Variants in SPTBN2 observed in about 807,000 individuals in gnomAD.
SPTBN2 encodes the protein spectrin beta chain, non-erythrocytic 2.
Under a neutral mutation model 284.2 loss-of-function variants are expected in SPTBN2, and 107 were observed. The observed-to-expected ratio is 0.38, with a 90% CI of 0.32 to 0.44. The LOEUF (loss-of-function observed/expected upper bound fraction) is 0.44. SPTBN2 is among the 20% of genes least tolerant of loss of function. The pLI is 1.00. For missense variants in SPTBN2, 2,569 were observed against 3,287.1 expected (o/e 0.78, Z 5.34); for synonymous variants, 1,289 against 1,354.8 (o/e 0.95, Z 1.07).
intron 1 of SPTBN2, 113 bp from the exon 2 acceptor site, chr11:66,721,553 G>C: frequency 2.3e-6 from 1 of 433,908 alleles, no homozygotes; most frequent in Non-Finnish European, 4.3e-6. Flanking sequence ...GAGAGGGACG[G>C]GTTTGCGGGG....
At chr11:66,706,779 G>A (rs1401628257) in intron 13 of SPTBN2, among the ~76,000 whole-genome samples, 1 of 151,456 alleles carries the variant, frequency 6.6e-6, no homozygotes, top group Non-Finnish European at 1.5e-5. Context: ...ACAGGCATGC[G>A]CTACCACCGC....
intron 3 of SPTBN2, among the ~76,000 whole-genome samples, chr11:66,716,409 G>T (rs111654945): frequency 6.6e-6 from 1 of 152,026 alleles, no homozygotes. Context: ...GAACCTGGGA[G>T]GGGGAGCTTG....
At chr11:66,722,807 C>G (rs1311760728) in intron 1 of SPTBN2, among the ~76,000 whole-genome samples, 1 of 148,438 alleles carries the variant, frequency 6.7e-6, no homozygotes, top group Non-Finnish European at 1.5e-5. Context: ...ACAGGAGAAT[C>G]ACTTGAAACC....
chr11:66,688,865 G>A lies in SPTBN2; in HGVS notation c.6035-16C>T, dbSNP rs760529196. 2.0e-5 allele frequency: 32 copies of A among 1,610,010 alleles called. No homozygotes were observed. Among genetic ancestry groups the A allele is most frequent in the Non-Finnish European group, 2.5e-5 (30 of 1,179,818 alleles). ...ACCTCCAAAACTGGCAGGATCGGGG[G>A]TTGCAGGAAGATGGTGGGTCAGAGT... is the stretch of plus-strand genomic sequence containing the variant. On this transcript the variant is annotated splice_polypyrimidine_tract_variant and intron_variant, in intron 30 of 37. Transcript: ENST00000533211.
chr11:66,730,613 G>T (rs1590996570), upstream of SPTBN2, among the ~76,000 whole-genome samples: 1 of 151,914 alleles, frequency 6.6e-6, no homozygotes, highest in East Asian at 1.9e-4. Flanking sequence ...AGAATCAGCT[G>T]CCCTGCCAAA....
At chr11:66,711,107 C>T in intron 8 of SPTBN2, 78 bp from the exon 9 acceptor site, 1 of 1,141,000 alleles carries the variant, frequency 8.8e-7, no homozygotes, top group Non-Finnish European at 1.3e-6. Flanking sequence ...AACCCTGGGC[C>T]TGCCCAGTCC....
chr11:66,686,578 G>T (rs1385330933), intron 36 of SPTBN2, 138 bp from the exon 37 acceptor site: 1 of 936,714 alleles, frequency 1.1e-6, no homozygotes, highest in African/African-American at 1.6e-5. Context: ...GACACGCTCT[G>T]CACATTCTTC....
At position 66,701,088 on chromosome 11, in the gene SPTBN2, G is replaced by A. The variant is rs746835288; in HGVS notation, c.3011C>T (p.Thr1004Met). Residue 1004 changes from threonine (T) to methionine (M), a missense_variant, in exon 17 of 38, where the codon ACG becomes ATG. By Grantham distance (81) the Thr-to-Met change is moderately conservative (BLOSUM62 -1). Coordinates refer to ENST00000533211, the MANE Select transcript of SPTBN2 (RefSeq NM_006946.4). ...VLALQRKLAG[T>M]ERDLEAIAAR... The stretch of plus-strand genomic sequence containing the variant: ...GGCGATGGCCTCCAGGTCCCGCTCC[G>A]TGCCGGCCAGCTTGCGCTGCAGGGC... 46 of 1,612,260 alleles carry A rather than the reference G, an allele frequency of 2.9e-5. No homozygotes were observed. The highest frequency in any genetic ancestry group is 5.5e-5 in the South Asian group (5 of 91,082).
At position 66,718,473 on chromosome 11, in the gene SPTBN2, C is replaced by T. The variant is rs1942243184; in HGVS notation, c.158-2492G>A. On this transcript the variant is annotated intron_variant, in intron 3 of 37. Transcript: ENST00000533211. The surrounding 1 kb of genome is among the most constrained non-coding windows in gnomAD (Gnocchi z 4.8). ...AGCTGTTTGAAGCGTCCTTCCAGCA[C>T]GCTGGCATACTGAGCAGGGTTGATG... 6.6e-6 allele frequency among the ~76,000 whole-genome samples: 1 copy of T among 152,128 alleles called. No homozygotes were observed. Among genetic ancestry groups the T allele is most frequent in the Non-Finnish European group, 1.5e-5 (1 of 68,024 alleles).
chr11:66,704,220 C>T (rs892286140), intron 15 of SPTBN2, among the ~76,000 whole-genome samples: 1 of 152,082 alleles, frequency 6.6e-6, no homozygotes, highest in African/African-American at 2.4e-5. Flanking sequence ...GATCCGCCTG[C>T]CTCGGCCTCC....
At chr11:66,733,885 G>A (rs900022912), upstream of SPTBN2, among the ~76,000 whole-genome samples, 15 of 151,430 alleles carry the variant, frequency 9.9e-5, no homozygotes, top group Admixed American at 4.0e-4. Flanking sequence ...GGCTGAGGCA[G>A]GAGAATGGCG....
Position 66,704,844 on chromosome 11 carries a change from G to T in SPTBN2, c.2432C>A (p.Ala811Glu). 6.2e-7 allele frequency: 1 copy of T among 1,608,820 alleles called. No homozygotes were observed. Residue 811 changes from alanine (A) to glutamate (E), a missense_variant, in exon 15 of 38, where the codon GCA becomes GAA. By Grantham distance (107) the Ala-to-Glu change is moderately radical (BLOSUM62 -1). This residue lies in a region of SPTBN2 where 1,012 missense variants were observed against 1,248.9 expected (regional missense o/e 0.81). Coordinates refer to ENST00000533211, the MANE Select transcript of SPTBN2 (RefSeq NM_006946.4). ...GCGGCTCAGTGTGGGGGGCAGGGCT[G>T]CTGCCTGTTCCCTCAAGGCGTCCAG... Reference protein sequence around the residue: ...PTLDALREQAAALPPTLSRTP... With the variant: ...PTLDALREQAEALPPTLSRTP...
chr11:66,710,128 T>C lies in SPTBN2; in HGVS notation c.1073+454A>G, dbSNP rs1590958878. Among the ~76,000 whole-genome samples the C allele has an allele frequency of 6.6e-6, 1 of 152,218 alleles. No individual in the cohort carries two copies. The highest frequency in any genetic ancestry group is 1.5e-5 in the Non-Finnish European group (1 of 68,028). ...CGTGATCTTGGCTCACTGCAACCTC[T>C]GTCTCCCGGGTTCAGGTGGTTCTCC... On this transcript the variant is annotated intron_variant, in intron 10 of 37. Coordinates refer to ENST00000533211, the MANE Select transcript of SPTBN2 (RefSeq NM_006946.4). This position sits in a 1 kb window ranked among gnomAD's most constrained non-coding sequence, Gnocchi z 4.9.
chr11:66,693,685 C>T lies in SPTBN2; in HGVS notation c.4593+87G>A, dbSNP rs1940720363. The T allele has an allele frequency of 1.6e-5, 22 of 1,392,636 alleles. No individual in the cohort carries two copies. The East Asian group carries it at 4.5e-4, about 28-fold the overall frequency. 86.3% of individuals were successfully genotyped at this position (1,392,636 alleles called of 1,614,324 possible). On this transcript the variant is annotated intron_variant, in intron 23 of 37. Coordinates refer to ENST00000533211, the MANE Select transcript of SPTBN2 (RefSeq NM_006946.4). The surrounding 1 kb of genome is among the most constrained non-coding windows in gnomAD (Gnocchi z 5.7). ...TGAAGTCCAGGGTTACACTCAGCAT[C>T]GAGGGGGGCCTGGTCTTAAGAAAAA...
chr11:66,724,547 C>T (rs1190554752), intron 1 of SPTBN2, among the ~76,000 whole-genome samples: 1 of 152,162 alleles, frequency 6.6e-6, no homozygotes. Flanking sequence ...TATTTTTGTA[C>T]TCCACAAAGA....
rs911368736 is a variant in SPTBN2 at position 66,684,808 on chromosome 11, G to A, written c.*1063C>T. Among the ~76,000 whole-genome samples the A allele has an allele frequency of 1.3e-5, 2 of 152,098 alleles. No homozygotes were observed. Among genetic ancestry groups the A allele is most frequent in the African/African-American group, 4.8e-5 (2 of 41,410 alleles). ...TCCCTTGATCTACTGGAGAGCAGACGGCAAGTGGGGGCAGTAAGCACCCGC... is the reference window on the plus strand; with the variant it reads ...TCCCTTGATCTACTGGAGAGCAGACAGCAAGTGGGGGCAGTAAGCACCCGC... On this transcript the variant is annotated 3_prime_UTR_variant, in exon 38 of 38. Coordinates refer to ENST00000533211, the MANE Select transcript of SPTBN2 (RefSeq NM_006946.4).
chr11:66,692,440 C>A (rs1333865408), intron 26 of SPTBN2, 96 bp downstream of exon 26: 28 of 1,458,972 alleles, frequency 1.9e-5, no homozygotes, highest in Non-Finnish European at 2.6e-5. Flanking sequence ...GCCCCTTAGC[C>A]CCTCAGTGCT....
Position 66,696,541 on chromosome 11 carries a change from C to G in SPTBN2, c.4015-1G>C. On this transcript the variant is annotated splice_acceptor_variant, in intron 20 of 37. Coordinates refer to ENST00000533211, the MANE Select transcript of SPTBN2 (RefSeq NM_006946.4). LOFTEE classifies it high-confidence loss of function. Reference sequence around the variant, plus strand: ...TCTCAAGGGTGAGCTCTCGCCCTTCCTGGAAGGCAGGACAGAAAATGTCAA... The same window carrying G: ...TCTCAAGGGTGAGCTCTCGCCCTTCGTGGAAGGCAGGACAGAAAATGTCAA... 6.2e-7 allele frequency: 1 copy of G among 1,610,936 alleles called. No individual in the cohort carries two copies. The highest frequency in any genetic ancestry group is 8.5e-7 in the Non-Finnish European group (1 of 1,180,024).
chr11:66,701,708 C>G lies in SPTBN2; in HGVS notation c.2692G>C (p.Glu898Gln), dbSNP rs1753112443. The G allele has an allele frequency of 6.2e-7, 1 of 1,613,912 alleles. No individual in the cohort carries two copies. The highest frequency in any genetic ancestry group is 1.3e-5 in the African/African-American group (1 of 74,860). The change falls in exon 16 of 38, where the codon GAG (glutamate) becomes CAG (glutamine). Residue 898 changes from glutamate to glutamine, a missense_variant. Coordinates refer to ENST00000533211, the MANE Select transcript of SPTBN2 (RefSeq NM_006946.4). ...GCTGCAAGGGTGTTCATTTCAGGCT[C>G]CAGGGTCTCGAACCTGAGAGGGTGG... The part of the protein sequence containing the change: ...EVVQQRFETL[E>Q]PEMNTLAAQI...
Sources: gnomAD v4.1 joint callset for allele counts (sites outside exome capture counted in the v4.1 genomes callset) on GRCh38, gnomAD v4.1.1 for gene constraint, gnomAD v4.1.1 regional missense constraint, Gnocchi (gnomAD v3.1) non-coding constraint, MANE v1.5 for transcripts, NCBI Gene and HGNC (gene_info 2026-07-23, HGNC 2026-07-21) for gene names.